CLK1: variants seen among roughly 807,000 people sequenced by gnomAD.
The protein encoded by CLK1 is CDC like kinase 1.
CLK1 carries 40 observed loss-of-function variants against 60.9 expected under a neutral mutation model. That is an observed-to-expected ratio of 0.66 (90% CI 0.51 to 0.86). The LOEUF (loss-of-function observed/expected upper bound fraction) is 0.86, where lower values mean the gene tolerates loss of function less well. CLK1 is among the 40% of genes least tolerant of loss of function. CLK1 has a pLI of 0.00. For synonymous variants in CLK1, 203 were observed against 184.4 expected (o/e 1.10, Z -0.82); for missense variants, 563 against 606.1 (o/e 0.93, Z 0.75).
intron 1 of CLK1, chr2:200,864,359 G>A (rs2039195149): frequency 2.2e-5 from 27 of 1,227,272 alleles, no homozygotes; most frequent in Non-Finnish European, 2.7e-5. Flanking sequence ...AACTACCCCC[G>A]CAGGCCGGAT....
chr2:200,855,606 C>CA (rs1462600677), intron 9 of CLK1, among the ~76,000 whole-genome samples: 9 of 139,188 alleles, frequency 6.5e-5, no homozygotes, highest in African/African-American at 1.1e-4. Flanking sequence ...GCCTGGGTGA[C>CA]AGAGCAAGAC....
chr2:200,855,265 CAGG>C (rs1347213160), intron 9 of CLK1, among the ~76,000 whole-genome samples, 179 bp from the exon 10 acceptor site: 2 of 151,700 alleles, frequency 1.3e-5, no homozygotes, highest in African/African-American at 4.8e-5. Flanking sequence ...TGCTTGAGCT[CAGG>C]AGTTCAAGAC....
rs139980541 is a variant in CLK1, at chr2:200,862,499, C to T, written c.1-637G>A. 4.1e-4 allele frequency among the ~76,000 whole-genome samples: 62 copies of T among 152,174 alleles called. No homozygotes were observed. In the East Asian group the frequency reaches 0.011, roughly 27 times the overall value. ...ACTTTGTGAGATCCGCCCCCTGCTC[C>T]CAAAACATTGCTCTTAACTCCACCG... On this transcript the variant is annotated intron_variant, in intron 1 of 12. Coordinates refer to ENST00000321356, the MANE Select transcript of CLK1 (RefSeq NM_004071.4).
rs558864354 is a variant in CLK1 at position 200,855,644 on chromosome 2, T to C, written c.1058-558A>G. 2.8e-5 allele frequency among the ~76,000 whole-genome samples: 4 copies of C among 142,436 alleles called. No homozygotes were observed. The East Asian group carries it at 6.7e-4, about 24-fold the overall frequency. 93.4% of individuals were successfully genotyped at this position (142,436 alleles called of 152,430 possible). On this transcript the variant is annotated intron_variant, in intron 9 of 12. Transcript: ENST00000321356. Reference sequence around the variant, plus strand: ...CGCCCCCCCCCCAAAAAATTATATATATACACATATATATGCAATGTGATG... The same window carrying C: ...CGCCCCCCCCCCAAAAAATTATATACATACACATATATATGCAATGTGATG...
rs41271455 is a variant in CLK1, at chr2:200,859,668, T to C, written c.548+12A>G. ...AACTTCCCTAAAAGTAATCCCAACA[T>C]GGGAAACTTACGCTTTATGATCGAT... On this transcript the variant is annotated intron_variant, in intron 5 of 12. Coordinates refer to ENST00000321356, the MANE Select transcript of CLK1 (RefSeq NM_004071.4). The C allele has an allele frequency of 0.015, 23,364 of 1,609,646 alleles. 219 individuals are homozygous for C. The highest frequency in any genetic ancestry group is 0.016 in the Non-Finnish European group (18,767 of 1,177,652).
intron 1 of CLK1, chr2:200,864,189 G>A (rs923594327): frequency 1.9e-6 from 3 of 1,550,420 alleles, no homozygotes; most frequent in African/African-American, 1.4e-5. Flanking sequence ...TCGCCTTTCC[G>A]GCCACAGGGC....
chr2:200,856,868 T>G (rs755068355), intron 8 of CLK1, 23 bp downstream of exon 8: 2 of 1,614,046 alleles, frequency 1.2e-6, no homozygotes, highest in South Asian at 2.2e-5. Context: ...TAAGATACTT[T>G]ATGAATATTT....
At chr2:200,860,576 C>T (rs772678007) in intron 3 of CLK1, 3 of 1,012,164 alleles carry the variant, frequency 3.0e-6, no homozygotes, top group East Asian at 9.5e-5. Flanking sequence ...GTTGCAAAAT[C>T]GTATGATGTA....
chr2:200,857,941 T>C, intron 6 of CLK1, 32 bp downstream of exon 6: 1 of 1,610,872 alleles, frequency 6.2e-7, no homozygotes, highest in South Asian at 1.1e-5. Context: ...ATATACCTGA[T>C]ACCACTTCCC....
At chr2:200,855,496 G>A (rs1450809760) in intron 9 of CLK1, among the ~76,000 whole-genome samples, 1 of 152,074 alleles carries the variant, frequency 6.6e-6, no homozygotes. Flanking sequence ...ATGGTGGCAG[G>A]CACCTGTAGT....
At chr2:200,862,016 T>TA (rs1386380206) in intron 1 of CLK1, among the ~76,000 whole-genome samples, 154 bp from the exon 2 acceptor site, 1 of 151,996 alleles carries the variant, frequency 6.6e-6, no homozygotes, top group Non-Finnish European at 1.5e-5. Context: ...ATCCAATTAC[T>TA]GTGTTGTCCC....
chr2:200,853,361 G>A lies in CLK1; in HGVS notation c.1400C>T (p.Thr467Ile). Residue 467 changes from threonine (T) to isoleucine (I), a missense_variant, in exon 13 of 13, where the codon ACT becomes ATT. Physicochemically the swap from Thr to Ile is moderately conservative, Grantham distance 89 (BLOSUM62 -1). Around this residue, in one of 3 missense-constraint regions of CLK1, gnomAD observed 360 missense variants for 407.0 expected, o/e 0.88. Coordinates refer to ENST00000321356, the MANE Select transcript of CLK1 (RefSeq NM_004071.4). The part of the protein sequence containing the change: ...MLEYDPAKRI[T>I]LREALKHPFF... ...AGGATGCTTTAAGGCTTCTCTGAGAGTAATTCTTTTGGCTGGATCATACTC... is the reference window on the plus strand; with the variant it reads ...AGGATGCTTTAAGGCTTCTCTGAGAATAATTCTTTTGGCTGGATCATACTC... 1.9e-6 allele frequency: 3 copies of A among 1,613,220 alleles called. No homozygotes were observed. The highest frequency in any genetic ancestry group is 2.5e-6 in the Non-Finnish European group (3 of 1,179,464).
At chr2:200,858,125 G>A in intron 5 of CLK1, 36 bp from the exon 6 acceptor site, 1 of 1,289,850 alleles carries the variant, frequency 7.8e-7, no homozygotes, top group Non-Finnish European at 1.1e-6. Context: ...AAGAATGACA[G>A]ACATGATGCT....
chr2:200,858,652 G>A (rs746131428), intron 5 of CLK1, among the ~76,000 whole-genome samples: 2 of 151,934 alleles, frequency 1.3e-5, no homozygotes, highest in Non-Finnish European at 2.9e-5. Context: ...AGCCAAGATT[G>A]CACCACTGCA....
rs1026519667 is a variant in CLK1, at chr2:200,860,533, A to G, written c.391-318T>C. The G allele has an allele frequency of 7.5e-6, 8 of 1,065,276 alleles. No homozygotes were observed. The South Asian group carries it at 2.1e-4, about 28-fold the overall frequency. 66.0% of individuals were successfully genotyped at this position (1,065,276 alleles called of 1,614,324 possible). A position where few individuals can be genotyped will look rare whatever the true frequency, so the allele number is the denominator to read the frequency against. On this transcript the variant is annotated intron_variant, in intron 3 of 12. Coordinates refer to ENST00000321356, the MANE Select transcript of CLK1 (RefSeq NM_004071.4). ...GCTTAGTTGTAGCATTCACTGAAACATAATTTTTTAGTTTCTAGTGTTCTA... is the reference window on the plus strand; with the variant it reads ...GCTTAGTTGTAGCATTCACTGAAACGTAATTTTTTAGTTTCTAGTGTTCTA...
At chr2:200,860,358 C>A in intron 3 of CLK1, 143 bp from the exon 4 acceptor site, 1 of 1,437,168 alleles carries the variant, frequency 7.0e-7, no homozygotes, top group Non-Finnish European at 9.2e-7. Flanking sequence ...TTGGCAGGAG[C>A]AATTTCAAAT....
At chr2:200,864,347 G>GT (rs776144491) in intron 1 of CLK1, 227 of 1,292,044 alleles carry the variant, frequency 1.8e-4, no homozygotes, top group Non-Finnish European at 2.2e-4. Flanking sequence ...AGCAAACACC[G>GT]TAACTACCCC....
Position 200,853,241 on chromosome 2 carries a change from A to C in CLK1, c.*65T>G. ...TTTACAAAGCTGTACAAAATAACTT[A>C]AAATTTAAAAATTAGACTGATACAG... is the stretch of plus-strand genomic sequence containing the variant. On this transcript the variant is annotated 3_prime_UTR_variant, in exon 13 of 13. Coordinates refer to ENST00000321356, the MANE Select transcript of CLK1 (RefSeq NM_004071.4). 7.9e-7 allele frequency: 1 copy of C among 1,263,566 alleles called. No individual in the cohort carries two copies. The highest frequency in any genetic ancestry group is 2.5e-5 in the East Asian group (1 of 40,122). 78.3% of individuals were successfully genotyped at this position (1,263,566 alleles called of 1,614,324 possible). A position where few individuals can be genotyped will look rare whatever the true frequency, so the allele number is the denominator to read the frequency against.
chr2:200,860,629 C>T (rs2039121896), intron 3 of CLK1: 1 of 997,290 alleles, frequency 1.0e-6, no homozygotes. Flanking sequence ...TTAAGATTTC[C>T]TACCTAATCT....
Sources: gnomAD v4.1 joint callset for allele counts (sites outside exome capture counted in the v4.1 genomes callset) on GRCh38, gnomAD v4.1.1 for gene constraint, gnomAD v4.1.1 regional missense constraint, MANE v1.5 for transcripts, NCBI Gene and HGNC (gene_info 2026-07-23, HGNC 2026-07-21) for gene names.